Variants in WWOX observed in about 807,000 individuals in gnomAD.
WWOX encodes the protein WW domain-containing oxidoreductase.
Under a neutral mutation model 46.2 loss-of-function variants are expected in WWOX, and 69 were observed. The ratio of observed to expected loss-of-function variants is 1.49; its 90% CI spans 1.23 to 1.82. The LOEUF is 1.82. WWOX is among the 40% of genes most tolerant of loss of function. The probability of loss-of-function intolerance (pLI) is 0.00; values close to 1 mark genes in which losing one functional copy is unlikely to be tolerated. For synonymous variants in WWOX, 359 were observed against 202.6 expected (o/e 1.77, Z -6.56); for missense variants, 919 against 542.6 (o/e 1.69, Z -6.89).
At chr16:78,299,968 C>T (rs1047435804) in intron 5 of WWOX, among the ~76,000 whole-genome samples, 1 of 152,124 alleles carries the variant, frequency 6.6e-6, no homozygotes, top group Non-Finnish European at 1.5e-5. Context: ...ATTGTGAAGT[C>T]TAAAAGGCTT....
At chr16:78,470,473 C>T (rs1005912999) in intron 8 of WWOX, among the ~76,000 whole-genome samples, 2 of 152,174 alleles carry the variant, frequency 1.3e-5, no homozygotes, top group African/African-American at 4.8e-5. Context: ...ATTTCATCCT[C>T]ATGGGGAAGC....
intron 8 of WWOX, among the ~76,000 whole-genome samples, chr16:78,461,700 A>C (rs2083953858): frequency 6.6e-6 from 1 of 152,196 alleles, no homozygotes; most frequent in Non-Finnish European, 1.5e-5. Context: ...GTAAAAATAC[A>C]CTGCAAGTCG....
chr16:78,380,334 A>T (rs1386048199), intron 5 of WWOX, among the ~76,000 whole-genome samples: 1 of 152,206 alleles, frequency 6.6e-6, no homozygotes, highest in Non-Finnish European at 1.5e-5. Context: ...TATTATCTTG[A>T]TGCGGCTGTG....
At chr16:78,927,001 T>G (rs1026002612) in intron 8 of WWOX, among the ~76,000 whole-genome samples, 8 of 152,104 alleles carry the variant, frequency 5.3e-5, no homozygotes, top group East Asian at 1.9e-4. Flanking sequence ...TTGGCATGTT[T>G]CCCAGGCTGG....
At chr16:78,556,245 A>T (rs1279395257) in intron 8 of WWOX, among the ~76,000 whole-genome samples, 1 of 150,912 alleles carries the variant, frequency 6.6e-6, no homozygotes, top group African/African-American at 2.5e-5. Context: ...TAAACAGGGT[A>T]CTTTCCCTCC....
At chr16:78,933,422 G>A (rs890172019) in intron 8 of WWOX, among the ~76,000 whole-genome samples, 1 of 152,198 alleles carries the variant, frequency 6.6e-6, no homozygotes, top group Non-Finnish European at 1.5e-5. Context: ...CTGGGCAACA[G>A]AGGGAGACTC....
At chr16:78,616,287 G>A (rs986821686) in intron 8 of WWOX, among the ~76,000 whole-genome samples, 84 of 152,062 alleles carry the variant, frequency 5.5e-4, no homozygotes, top group Non-Finnish European at 1.6e-4. Flanking sequence ...ATAACAAAAT[G>A]CCATGGACTG....
intron 5 of WWOX, chr16:78,179,595 A>T (rs1395874329): frequency 6.6e-6 from 1 of 152,252 alleles, no homozygotes; most frequent in Non-Finnish European, 1.5e-5. Flanking sequence ...AATAATAATA[A>T]TAACAGTAGT....
rs2051775964 is a variant in WWOX, at chr16:79,211,976, G to GTAAA, written c.*180_*181insTAAA. On this transcript the variant is annotated 3_prime_UTR_variant, in exon 9 of 9. Coordinates refer to ENST00000566780, the MANE Select transcript of WWOX (RefSeq NM_016373.4). ...CCAATGGGAAGCAGGGAATTCCTGG[G>GTAAA]GTAAAGTATCACTTTTCTGGGGCTG... 26 of 1,536,202 alleles carry GTAAA rather than the reference G, an allele frequency of 1.7e-5. No individual in the cohort carries two copies. The highest frequency in any genetic ancestry group is 1.2e-4 in the East Asian group (5 of 40,914).
intron 8 of WWOX, among the ~76,000 whole-genome samples, chr16:78,942,474 TAAG>T (rs966435080): frequency 1.3e-5 from 2 of 152,124 alleles, no homozygotes; most frequent in African/African-American, 4.8e-5. Context: ...CAAATAATCA[TAAG>T]AAGAAGACAG....
At chr16:79,210,291 C>T (rs1013745795) in intron 8 of WWOX, among the ~76,000 whole-genome samples, 6 of 152,186 alleles carry the variant, frequency 3.9e-5, no homozygotes, top group Non-Finnish European at 8.8e-5. Flanking sequence ...TTCTTCACGT[C>T]GTAACACCTT....
intron 8 of WWOX, among the ~76,000 whole-genome samples, chr16:78,643,293 T>C (rs2046764011): frequency 6.6e-6 from 1 of 152,242 alleles, no homozygotes; most frequent in Non-Finnish European, 1.5e-5. Flanking sequence ...CATAGTCATA[T>C]TTGGCTAACG....
At position 78,370,788 on chromosome 16, in the gene WWOX, TGGGG is replaced by T. The variant is rs58327362; in HGVS notation, c.517-16062_517-16059del. ...CTTTAAACTTTTTTTCTTTTTTTTT[TGGGG>T]GGGGGGGGGCAATGCATTCTTAACC... On this transcript the variant is annotated intron_variant, in intron 5 of 8. Transcript: ENST00000566780. Among the ~76,000 whole-genome samples the T allele has an allele frequency of 1.7e-3, 206 of 124,602 alleles. 1 individual carries two copies. The Middle Eastern group carries it at 0.02, about 12-fold the overall frequency. The allele number at this position is 124,602 out of a possible 152,430, so 81.7% of individuals were successfully genotyped here.
intron 5 of WWOX, among the ~76,000 whole-genome samples, chr16:78,196,483 A>C (rs927372237): frequency 6.6e-6 from 1 of 152,226 alleles, no homozygotes; most frequent in South Asian, 2.1e-4. Context: ...AAAAATGCAA[A>C]TAAGCTACTT....
At chr16:78,745,970 G>T (rs1444105118) in intron 8 of WWOX, among the ~76,000 whole-genome samples, 1 of 152,064 alleles carries the variant, frequency 6.6e-6, no homozygotes, top group Non-Finnish European at 1.5e-5. Flanking sequence ...CTATGAACTG[G>T]AACCCTGCAC....
intron 8 of WWOX, among the ~76,000 whole-genome samples, chr16:78,686,572 A>G (rs1257483417): frequency 1.3e-5 from 2 of 152,082 alleles, no homozygotes; most frequent in Non-Finnish European, 2.9e-5. Context: ...GAAATCCTGA[A>G]TAAGAAACAC....
intron 5 of WWOX, among the ~76,000 whole-genome samples, chr16:78,220,285 C>G (rs1396029705): frequency 6.6e-6 from 1 of 152,072 alleles, no homozygotes; most frequent in Non-Finnish European, 1.5e-5. Context: ...CTTCTATTAC[C>G]TTATGTCTTT....
intron 4 of WWOX, among the ~76,000 whole-genome samples, chr16:78,132,517 A>C (rs1306026437): frequency 1.3e-5 from 2 of 152,134 alleles, no homozygotes; most frequent in South Asian, 2.1e-4. Context: ...CCTTTTGTTA[A>C]TACGTATGCG....
intron 8 of WWOX, among the ~76,000 whole-genome samples, chr16:78,548,897 A>G (rs187812290): frequency 6.6e-6 from 1 of 152,194 alleles, no homozygotes; most frequent in East Asian, 1.9e-4. Flanking sequence ...ATGTGCACCT[A>G]GTTTTTGTAA....
Sources: gnomAD v4.1 joint callset for allele counts (sites outside exome capture counted in the v4.1 genomes callset) on GRCh38, gnomAD v4.1.1 for gene constraint, MANE v1.5 for transcripts, NCBI Gene and HGNC (gene_info 2026-07-23, HGNC 2026-07-21) for gene names.